KCNQ1: variants seen among roughly 807,000 people sequenced by gnomAD.
The protein encoded by KCNQ1 is potassium voltage-gated channel subfamily Q member 1.
Under a neutral mutation model 72.4 loss-of-function variants are expected in KCNQ1, and 49 were observed. That is an observed-to-expected ratio of 0.68 (90% CI 0.54 to 0.86). The LOEUF is 0.86. Among genes scored for constraint, KCNQ1 ranks in the 40% least tolerant of loss-of-function variants. The probability of loss-of-function intolerance (pLI) is 0.00; values close to 1 mark genes in which losing one functional copy is unlikely to be tolerated. For synonymous variants in KCNQ1, 450 were observed against 412.6 expected (o/e 1.09, Z -1.10); for missense variants, 790 against 945.1 (o/e 0.84, Z 2.15).
chr11:2,824,635 G>A lies in KCNQ1; in HGVS notation c.1795-23132G>A, dbSNP rs1053894148. ...GTTGCCTGGCAAGAGATTGCAGGGA[G>A]AGGAGAGAGTGAGAATGGGGCCACT... On this transcript the variant is annotated intron_variant, in intron 15 of 15. Coordinates refer to ENST00000155840, the MANE Select transcript of KCNQ1 (RefSeq NM_000218.3). This position sits in a 1 kb window ranked among gnomAD's most constrained non-coding sequence, Gnocchi z 5.9. 6.6e-6 allele frequency among the ~76,000 whole-genome samples: 1 copy of A among 152,176 alleles called. No homozygotes were observed. The highest frequency in any genetic ancestry group is 6.5e-5 in the Admixed American group (1 of 15,284).
chr11:2,668,842 G>A lies in KCNQ1; in HGVS notation c.1514+6761G>A, dbSNP rs1166997483. On this transcript the variant is annotated intron_variant, in intron 11 of 15. Transcript: ENST00000155840. The surrounding 1 kb of genome is among the most constrained non-coding windows in gnomAD (Gnocchi z 4.3). ...AATCAAACATTTCCTCTCTGGATAG[G>A]GCTGTTTGTGTCCTATTTAAGAAAC... The A allele has an allele frequency of 5.0e-6, 2 of 398,446 alleles. No individual in the cohort carries two copies. The allele number at this position is 398,446 out of a possible 1,614,324, so 24.7% of individuals were successfully genotyped here.
intron 11 of KCNQ1, among the ~76,000 whole-genome samples, chr11:2,728,152 T>G (rs1380931051): frequency 6.6e-6 from 1 of 152,102 alleles, no homozygotes; most frequent in Non-Finnish European, 1.5e-5. Context: ...CTTCCGATGG[T>G]TCTGTCCTCC....
chr11:2,453,728 G>A (rs1451740628), intron 1 of KCNQ1, among the ~76,000 whole-genome samples: 2 of 152,228 alleles, frequency 1.3e-5, no homozygotes, highest in Non-Finnish European at 2.9e-5. Context: ...ACTGACCTGT[G>A]ACCCAGCAAC....
intron 1 of KCNQ1, among the ~76,000 whole-genome samples, chr11:2,480,891 A>G (rs1034343190): frequency 6.6e-6 from 1 of 152,188 alleles, no homozygotes; most frequent in South Asian, 2.1e-4. Flanking sequence ...GAAAGATTCA[A>G]CCAAAAGAGG....
rs1849918155 is a variant in KCNQ1 at position 2,659,812 on chromosome 11, C to T, written c.1394-2149C>T. The T allele has an allele frequency of 5.0e-6, 2 of 398,130 alleles. No individual in the cohort carries two copies. The highest frequency in any genetic ancestry group is 4.4e-5 in the Admixed American group (1 of 22,696). 24.7% of individuals were successfully genotyped at this position (398,130 alleles called of 1,614,324 possible). A position where few individuals can be genotyped will look rare whatever the true frequency, so the allele number is the denominator to read the frequency against. On this transcript the variant is annotated intron_variant, in intron 10 of 15. Coordinates refer to ENST00000155840, the MANE Select transcript of KCNQ1 (RefSeq NM_000218.3). This position sits in a 1 kb window ranked among gnomAD's most constrained non-coding sequence, Gnocchi z 4.3. ...TAATTTATGGAATTTCATTGTGATT[C>T]TAATTTGCATTTCCATATTTATGTT... is the stretch of plus-strand genomic sequence containing the variant.
At chr11:2,797,660 G>A (rs1006324469) in intron 15 of KCNQ1, among the ~76,000 whole-genome samples, 4 of 152,088 alleles carry the variant, frequency 2.6e-5, no homozygotes, top group African/African-American at 4.8e-5. Flanking sequence ...GCCCTTTACA[G>A]TGTAGTCTGG....
chr11:2,611,786 C>A lies in KCNQ1; in HGVS notation c.1393+22932C>A, dbSNP rs191920458. 1.0e-5 allele frequency: 4 copies of A among 398,366 alleles called. No individual in the cohort carries two copies. The East Asian group carries it at 1.4e-4, about 14-fold the overall frequency. 24.7% of individuals were successfully genotyped at this position (398,366 alleles called of 1,614,324 possible). A position where few individuals can be genotyped will look rare whatever the true frequency, so the allele number is the denominator to read the frequency against. Reference sequence around the variant, plus strand: ...TATATGTCTCATATCACTTTTGTTCCTCTCTTCCTCCTTTACTGCCTTCTG... The same window carrying A: ...TATATGTCTCATATCACTTTTGTTCATCTCTTCCTCCTTTACTGCCTTCTG... On this transcript the variant is annotated intron_variant, in intron 10 of 15. Coordinates refer to ENST00000155840, the MANE Select transcript of KCNQ1 (RefSeq NM_000218.3). The surrounding 1 kb of genome is among the most constrained non-coding windows in gnomAD (Gnocchi z 5.3).
rs187519513 is a variant in KCNQ1 at position 2,547,422 on chromosome 11, C to T, written c.477+19404C>T. ...ATTTTTTTTGTATTATTAGTAGAGA[C>T]GGCGTTTCACCATTTTGGCCAGGCT... On this transcript the variant is annotated intron_variant, in intron 2 of 15. Transcript: ENST00000155840. The surrounding 1 kb of genome is among the most constrained non-coding windows in gnomAD (Gnocchi z 4.2). Among the ~76,000 whole-genome samples the T allele has an allele frequency of 2.6e-4, 39 of 152,056 alleles. 1 individual carries two copies. In the South Asian group the frequency reaches 6.2e-3, roughly 24 times the overall value.
chr11:2,503,907 G>A (rs540815356), intron 1 of KCNQ1, among the ~76,000 whole-genome samples: 9 of 152,178 alleles, frequency 5.9e-5, no homozygotes, highest in Non-Finnish European at 8.8e-5. Context: ...TACAACCACC[G>A]TGGAGGACAG....
At chr11:2,631,971 AG>A in intron 10 of KCNQ1, 1 of 396,592 alleles carries the variant, frequency 2.5e-6, no homozygotes, top group Non-Finnish European at 4.4e-6. Context: ...TCACAAGGTC[AG>A]GAGATCGAGA....
chr11:2,484,233 G>A lies in KCNQ1; in HGVS notation c.386+38749G>A, dbSNP rs1030347763. Among the ~76,000 whole-genome samples the A allele has an allele frequency of 9.2e-5, 14 of 151,938 alleles. No individual in the cohort carries two copies. The highest frequency in any genetic ancestry group is 2.9e-4 in the African/African-American group (12 of 41,328). ...GGCTGGAGTGCAGTGGCATGATCTCGGCTCACTGAAACCTCTGCCTCCGGG... is the reference window on the plus strand; with the variant it reads ...GGCTGGAGTGCAGTGGCATGATCTCAGCTCACTGAAACCTCTGCCTCCGGG... On this transcript the variant is annotated intron_variant, in intron 1 of 15. Coordinates refer to ENST00000155840, the MANE Select transcript of KCNQ1 (RefSeq NM_000218.3). This position sits in a 1 kb window ranked among gnomAD's most constrained non-coding sequence, Gnocchi z 5.2.
chr11:2,461,415 C>T (rs764366044), intron 1 of KCNQ1: 14 of 1,275,076 alleles, frequency 1.1e-5, no homozygotes, highest in South Asian at 1.3e-5. Flanking sequence ...CTGGGTGAGC[C>T]GGCCGGGGCG....
chr11:2,626,065 T>C lies in KCNQ1; in HGVS notation c.1394-35896T>C, dbSNP rs1437467449. ...TAAAATTTATCTAGTTTTACTTTTATTGCCTGTGCAAGTACAATTTATCTA... is the reference window on the plus strand; with the variant it reads ...TAAAATTTATCTAGTTTTACTTTTACTGCCTGTGCAAGTACAATTTATCTA... On this transcript the variant is annotated intron_variant, in intron 10 of 15. Transcript: ENST00000155840. The surrounding 1 kb of genome is among the most constrained non-coding windows in gnomAD (Gnocchi z 4.0). 2.0e-5 allele frequency: 8 copies of C among 398,548 alleles called. No individual in the cohort carries two copies. The highest frequency in any genetic ancestry group is 4.4e-5 in the Admixed American group (1 of 22,722). The allele number at this position is 398,548 out of a possible 1,614,324, so 24.7% of individuals were successfully genotyped here.
Position 2,658,742 on chromosome 11 carries a change from T to C in KCNQ1, c.1394-3219T>C, listed in dbSNP as rs895516172. On this transcript the variant is annotated intron_variant, in intron 10 of 15. Coordinates refer to ENST00000155840, the MANE Select transcript of KCNQ1 (RefSeq NM_000218.3). The surrounding 1 kb of genome is among the most constrained non-coding windows in gnomAD (Gnocchi z 4.9). Reference sequence around the variant, plus strand: ...ATACATCTTTACATATCTGTATCTATATAAAGCTAACCATGAGTTCATACT... The same window carrying C: ...ATACATCTTTACATATCTGTATCTACATAAAGCTAACCATGAGTTCATACT... The C allele has an allele frequency of 5.0e-6, 2 of 398,490 alleles. No individual in the cohort carries two copies. The highest frequency in any genetic ancestry group is 4.1e-5 in the African/African-American group (2 of 48,618). The allele number at this position is 398,490 out of a possible 1,614,324, so 24.7% of individuals were successfully genotyped here.
At chr11:2,455,254 C>T (rs964789255) in intron 1 of KCNQ1, among the ~76,000 whole-genome samples, 12 of 152,146 alleles carry the variant, frequency 7.9e-5, no homozygotes, top group East Asian at 1.9e-4. Flanking sequence ...TCTGCCACCA[C>T]GCCCGGCTAA....
At position 2,692,961 on chromosome 11, in the gene KCNQ1, A is replaced by G. The variant is rs140178549; in HGVS notation, c.1514+30880A>G. 5.3e-4 allele frequency: 212 copies of G among 398,662 alleles called. 1 individual carries two copies. The highest frequency in any genetic ancestry group is 4.1e-3 in the African/African-American group (200 of 48,756). The allele number at this position is 398,662 out of a possible 1,614,324, so 24.7% of individuals were successfully genotyped here. On this transcript the variant is annotated intron_variant, in intron 11 of 15. Transcript: ENST00000155840. ...TGTCCTGCCCATACGCTCAATAATG[A>G]GGCCCACTGAACTCTCCTGGTTTCC...
rs560636669 is a variant in KCNQ1 at position 2,750,345 on chromosome 11, G to C, written c.1515-18499G>C. Among the ~76,000 whole-genome samples the C allele has an allele frequency of 2.6e-4, 40 of 152,304 alleles. No individual in the cohort carries two copies. Among genetic ancestry groups the C allele is most frequent in the African/African-American group, 9.1e-4 (38 of 41,562 alleles). On this transcript the variant is annotated intron_variant, in intron 11 of 15. Transcript: ENST00000155840. The surrounding 1 kb of genome is among the most constrained non-coding windows in gnomAD (Gnocchi z 6.3). ...GTGGCTGGCCTGGCCTAACCAGTTG[G>C]GGGAATCCATGGGAGGCTTTAGCCC... is the stretch of plus-strand genomic sequence containing the variant.
rs1340276562 is a variant in KCNQ1, at chr11:2,589,108, T to C, written c.1393+254T>C. Among the ~76,000 whole-genome samples the C allele has an allele frequency of 4.6e-5, 7 of 152,318 alleles. No homozygotes were observed. The East Asian group carries it at 1.4e-3, about 29-fold the overall frequency. On this transcript the variant is annotated intron_variant, in intron 10 of 15. Transcript: ENST00000155840. ...TGGGCAGGTGATGGGGTGGGTCGGC[T>C]CCATCCGGCTGTACTGAGGGAAGGG...
intron 11 of KCNQ1, chr11:2,662,791 G>A: frequency 2.5e-6 from 1 of 399,102 alleles, no homozygotes; most frequent in Non-Finnish European, 4.4e-6. Flanking sequence ...AAATGTCTTT[G>A]TGTCAAGATC....
Sources: allele counts gnomAD v4.1 joint callset (sites outside exome capture counted in the v4.1 genomes callset), GRCh38; gene constraint gnomAD v4.1.1; non-coding constraint Gnocchi (gnomAD v3.1); transcripts MANE v1.5; gene names NCBI Gene and HGNC (gene_info 2026-07-23, HGNC 2026-07-21).